Variants in UBE2V2 observed in about 807,000 individuals in gnomAD.
The protein encoded by UBE2V2 is ubiquitin-conjugating enzyme E2 variant 2.
Under a neutral mutation model 17.2 loss-of-function variants are expected in UBE2V2, and 9 were observed. The observed-to-expected ratio is 0.52, with a 90% CI of 0.32 to 0.91. The LOEUF (loss-of-function observed/expected upper bound fraction) is 0.91, where lower values mean the gene tolerates loss of function less well. Ranked by LOEUF, UBE2V2 falls within the 40% of genes least tolerant of loss-of-function variation. The pLI, the probability that UBE2V2 is intolerant of heterozygous loss-of-function variation, is 0.04. For missense variants in UBE2V2, 133 were observed against 182.6 expected (o/e 0.73, Z 1.56); for synonymous variants, 61 against 57.5 (o/e 1.06, Z -0.28).
intron 1 of UBE2V2, among the ~76,000 whole-genome samples, chr8:48,011,282 C>T (rs2091229378): frequency 6.6e-6 from 1 of 152,076 alleles, no homozygotes; most frequent in African/African-American, 2.4e-5. Flanking sequence ...ATTCTCCTGC[C>T]TCAGCATTCT....
chr8:48,008,319 C>G, upstream of UBE2V2: 1 of 1,209,810 alleles, frequency 8.3e-7, no homozygotes, highest in Non-Finnish European at 1.1e-6. Flanking sequence ...GGCCCACGTG[C>G]GCGCTGTCCC....
intron 1 of UBE2V2, among the ~76,000 whole-genome samples, chr8:48,009,145 A>G (rs1354533822): frequency 2.6e-5 from 4 of 152,216 alleles, no homozygotes. Flanking sequence ...GTTTCCTGTG[A>G]GCACACAAGT....
chr8:48,009,257 C>G (rs902351679), intron 1 of UBE2V2, among the ~76,000 whole-genome samples: 1 of 147,450 alleles, frequency 6.8e-6, no homozygotes, highest in Non-Finnish European at 1.5e-5. Flanking sequence ...CTGCCTTTTT[C>G]TTTTCTTTTC....
intron 1 of UBE2V2, among the ~76,000 whole-genome samples, chr8:48,022,142 C>G (rs1563850748): frequency 7.0e-6 from 1 of 143,794 alleles, no homozygotes; most frequent in African/African-American, 2.5e-5. Flanking sequence ...CAGTTTGGAT[C>G]TTTTTTTTTT....
chr8:48,043,177 C>G lies in UBE2V2; in HGVS notation c.161C>G (p.Pro54Arg). The G allele has an allele frequency of 6.6e-7, 1 of 1,506,294 alleles. No individual in the cohort carries two copies. Among genetic ancestry groups the G allele is most frequent in the Non-Finnish European group, 8.9e-7 (1 of 1,125,426 alleles). The allele number at this position is 1,506,294 out of a possible 1,614,324, so 93.3% of individuals were successfully genotyped here. The change falls in exon 2 of 4, where the codon CCA becomes CGA. Residue 54 changes from proline to arginine, a missense_variant. Physicochemically the swap from Pro to Arg is moderately radical, Grantham distance 103. Transcript: ENST00000523111. Reference protein sequence around the residue: ...TRWTGMIIGPPRTNYENRIYS... With the variant: ...TRWTGMIIGPRRTNYENRIYS... ...TGGACAGGCATGATTATTGGGCCAC[C>G]AAGGGTCAGTGTTATAAATTATATT...
chr8:48,021,837 G>A (rs1469670669), intron 1 of UBE2V2, among the ~76,000 whole-genome samples: 2 of 150,218 alleles, frequency 1.3e-5, no homozygotes, highest in East Asian at 2.0e-4. Flanking sequence ...ACAGGTATGC[G>A]CCACCATGTC....
At chr8:48,060,657 A>C (rs1386731201) in intron 3 of UBE2V2, 25 bp from the exon 4 acceptor site, 2 of 1,421,062 alleles carry the variant, frequency 1.4e-6, no homozygotes, top group African/African-American at 3.0e-5. Context: ...TTGCTAGTTA[A>C]CTGTACTCTT....
the UBE2V2 span, among the ~76,000 whole-genome samples, chr8:47,997,734 A>G: frequency 6.6e-6 from 1 of 151,908 alleles, no homozygotes; most frequent in Non-Finnish European, 1.5e-5. Flanking sequence ...GCTGCTGGGC[A>G]TGCTGGGCTC....
upstream of UBE2V2, among the ~76,000 whole-genome samples, chr8:48,008,142 G>A (rs1337687190): frequency 4.6e-5 from 7 of 151,920 alleles, no homozygotes; most frequent in Admixed American, 6.5e-5. Flanking sequence ...GGCTGGTTTC[G>A]AACTCCTGAC....
intron 1 of UBE2V2, among the ~76,000 whole-genome samples, chr8:48,010,694 G>GTT (rs1257227876): frequency 1.5e-3 from 191 of 128,894 alleles, no homozygotes; most frequent in African/African-American, 5.5e-3. Context: ...GCCTGGGTTT[G>GTT]TTTGTTTTTT....
chr8:48,025,871 A>G (rs1312711940), intron 1 of UBE2V2, among the ~76,000 whole-genome samples: 1 of 152,058 alleles, frequency 6.6e-6, no homozygotes, highest in East Asian at 1.9e-4. Context: ...AAGTGCTGGG[A>G]TTACAGGCGT....
At chr8:48,033,289 C>A (rs1235435898) in intron 1 of UBE2V2, among the ~76,000 whole-genome samples, 2 of 151,882 alleles carry the variant, frequency 1.3e-5, no homozygotes, top group Admixed American at 6.6e-5. Context: ...CAGGTTCAAG[C>A]GATTCTCCTG....
chr8:48,010,429 T>G (rs2091220334), intron 1 of UBE2V2, among the ~76,000 whole-genome samples: 1 of 145,270 alleles, frequency 6.9e-6, no homozygotes, highest in Non-Finnish European at 1.5e-5. Flanking sequence ...TGAGACGCAG[T>G]CTTGCTCTGT....
intron 1 of UBE2V2, among the ~76,000 whole-genome samples, chr8:48,031,811 A>G (rs920678247): frequency 6.6e-6 from 1 of 151,878 alleles, no homozygotes; most frequent in African/African-American, 2.4e-5. Flanking sequence ...ACTCTCGGCT[A>G]ATTTTTTGTA....
chr8:48,044,368 C>T (rs901588722), intron 2 of UBE2V2, among the ~76,000 whole-genome samples: 14 of 152,132 alleles, frequency 9.2e-5, no homozygotes, highest in African/African-American at 1.7e-4. Context: ...AGGCTGGTCT[C>T]GAACTCCTGG....
chr8:47,999,362 CT>C, the UBE2V2 span, among the ~76,000 whole-genome samples: 408 of 145,060 alleles, frequency 2.8e-3, no homozygotes, highest in Middle Eastern at 7.1e-3. Flanking sequence ...TAGACTTCCC[CT>C]TTTTTTTTTT....
upstream of UBE2V2, chr8:48,008,258 C>A: frequency 1.8e-6 from 1 of 562,508 alleles, no homozygotes; most frequent in Non-Finnish European, 2.8e-6. Flanking sequence ...ATTTTGAGAG[C>A]GGGATTCACA....
At position 48,063,410 on chromosome 8, in the gene UBE2V2, C is replaced by T. The variant is rs1802622999; in HGVS notation, c.*2582C>T. On this transcript the variant is annotated 3_prime_UTR_variant, in exon 4 of 4. Coordinates refer to ENST00000523111, the MANE Select transcript of UBE2V2 (RefSeq NM_003350.3). ...ATTTTTCCTTTGTTTTGTAAAGTGGCTAAGGTTGTAGGAGTGTGTGGTATT... is the reference window on the plus strand; with the variant it reads ...ATTTTTCCTTTGTTTTGTAAAGTGGTTAAGGTTGTAGGAGTGTGTGGTATT... 1 of 152,126 alleles carries T rather than the reference C, an allele frequency of 6.6e-6. No individual in the cohort carries two copies. Among genetic ancestry groups the T allele is most frequent in the Non-Finnish European group, 1.5e-5 (1 of 68,030 alleles). 9.4% of individuals were successfully genotyped at this position (152,126 alleles called of 1,614,324 possible).
chr8:48,034,503 T>A (rs2091407343), intron 1 of UBE2V2, among the ~76,000 whole-genome samples: 1 of 152,148 alleles, frequency 6.6e-6, no homozygotes, highest in Admixed American at 6.6e-5. Context: ...TCCATACTGA[T>A]GTATACATGA....
Sources: gnomAD v4.1 joint callset for allele counts (sites outside exome capture counted in the v4.1 genomes callset) on GRCh38, gnomAD v4.1.1 for gene constraint, MANE v1.5 for transcripts, NCBI Gene and HGNC (gene_info 2026-07-23, HGNC 2026-07-21) for gene names.